The following CADPS variants were observed in gnomAD, a reference collection of about 807,000 sequenced individuals.
CADPS encodes the protein calcium dependent secretion activator, also known as calcium-dependent secretion activator 1.
CADPS carries 57 observed loss-of-function variants against 167.3 expected under a neutral mutation model. The ratio of observed to expected loss-of-function variants is 0.34; its 90% CI spans 0.28 to 0.42. The LOEUF is 0.42. Among genes scored for constraint, CADPS ranks in the 20% least tolerant of loss-of-function variants. The probability of loss-of-function intolerance (pLI) is 1.00; values close to 1 mark genes in which losing one functional copy is unlikely to be tolerated. For synonymous variants in CADPS, 676 were observed against 635.3 expected (o/e 1.06, Z -0.96); for missense variants, 1,414 against 1,738.1 (o/e 0.81, Z 3.32).
chr3:62,760,792 TA>T (rs1329500703), intron 2 of CADPS, among the ~76,000 whole-genome samples: 1 of 152,138 alleles, frequency 6.6e-6, no homozygotes, highest in Non-Finnish European at 1.5e-5. Context: ...TCCTCTTAAA[TA>T]AAAAAAGTTC....
intron 3 of CADPS, among the ~76,000 whole-genome samples, chr3:62,711,977 A>T (rs569048273): frequency 1.3e-5 from 2 of 152,204 alleles, no homozygotes; most frequent in Non-Finnish European, 2.9e-5. Flanking sequence ...TCATACTGCC[A>T]ATTTTCTGCA....
At chr3:62,821,809 AAC>A (rs1436531991) in intron 1 of CADPS, among the ~76,000 whole-genome samples, 2 of 152,196 alleles carry the variant, frequency 1.3e-5, no homozygotes, top group African/African-American at 2.4e-5. Flanking sequence ...TTCAACCCAT[AAC>A]AGTCTCCCAA....
In CADPS at chr3:62,571,083, G is replaced by A. The variant is rs1333331874; in HGVS notation, c.1578-145C>T. On this transcript the variant is annotated intron_variant, in intron 8 of 29. Coordinates refer to ENST00000383710, the MANE Select transcript of CADPS (RefSeq NM_003716.4). ...GCGCAGATTTTGGAGCTCTGTGGTT[G>A]AGCATAAACAACAGCAAGCACTTTT... The A allele has an allele frequency of 4.6e-6, 3 of 655,094 alleles. No homozygotes were observed. In the African/African-American group the frequency reaches 5.5e-5, roughly 12 times the overall value. 40.6% of individuals were successfully genotyped at this position (655,094 alleles called of 1,614,324 possible). A position where few individuals can be genotyped will look rare whatever the true frequency, so the allele number is the denominator to read the frequency against.
intron 8 of CADPS, among the ~76,000 whole-genome samples, chr3:62,583,017 C>T (rs975153548): frequency 3.9e-4 from 59 of 152,254 alleles, no homozygotes; most frequent in African/African-American, 1.4e-3. Context: ...TAGTACAGTG[C>T]TTCAGAGAGA....
intron 7 of CADPS, among the ~76,000 whole-genome samples, chr3:62,590,044 C>T (rs1475887113): frequency 6.6e-6 from 1 of 152,036 alleles, no homozygotes; most frequent in African/African-American, 2.4e-5. Flanking sequence ...CAAAAATTAG[C>T]CAGATGTGGT....
chr3:62,452,848 T>A (rs2058243419), intron 26 of CADPS, among the ~76,000 whole-genome samples: 1 of 152,144 alleles, frequency 6.6e-6, no homozygotes, highest in Non-Finnish European at 1.5e-5. Flanking sequence ...GTGCAGTGGT[T>A]CATGCTTATA....
chr3:62,587,356 C>G (rs1027593836), intron 7 of CADPS, among the ~76,000 whole-genome samples: 2 of 152,180 alleles, frequency 1.3e-5, no homozygotes, highest in African/African-American at 2.4e-5. Context: ...GAGACCTCTC[C>G]CTTTTCTCCA....
intron 3 of CADPS, among the ~76,000 whole-genome samples, chr3:62,668,857 T>G (rs2074985367): frequency 6.6e-6 from 1 of 152,096 alleles, no homozygotes; most frequent in Non-Finnish European, 1.5e-5. Flanking sequence ...ACTGAGTTAA[T>G]CAGCTGTGAC....
intron 17 of CADPS, among the ~76,000 whole-genome samples, chr3:62,512,190 A>G (rs764344295): frequency 1.8e-4 from 28 of 152,248 alleles, no homozygotes; most frequent in Non-Finnish European, 3.5e-4. Flanking sequence ...TTTGGGACCA[A>G]ACAAGAAGAA....
intron 6 of CADPS, among the ~76,000 whole-genome samples, chr3:62,626,983 G>C (rs536616571): frequency 6.6e-6 from 1 of 152,214 alleles, no homozygotes; most frequent in South Asian, 2.1e-4. Flanking sequence ...CTTACAAGTA[G>C]ATATATGTCC....
At chr3:62,650,419 A>G (rs2069795413) in intron 5 of CADPS, among the ~76,000 whole-genome samples, 2 of 152,198 alleles carry the variant, frequency 1.3e-5, no homozygotes. Context: ...GAGATAAACT[A>G]AAAAAGCCTC....
At chr3:62,540,815 A>G (rs2075566246) in intron 11 of CADPS, among the ~76,000 whole-genome samples, 1 of 152,168 alleles carries the variant, frequency 6.6e-6, no homozygotes, top group African/African-American at 2.4e-5. Flanking sequence ...AAACATAAAA[A>G]AATAAATGCT....
At position 62,546,836 on chromosome 3, in the gene CADPS, T is replaced by A. The variant is rs563719188; in HGVS notation, c.1966+3067A>T. 2.0e-5 allele frequency among the ~76,000 whole-genome samples: 3 copies of A among 152,280 alleles called. No homozygotes were observed. The South Asian group carries it at 6.2e-4, about 32-fold the overall frequency. On this transcript the variant is annotated intron_variant, in intron 11 of 29. Coordinates refer to ENST00000383710, the MANE Select transcript of CADPS (RefSeq NM_003716.4). ...TACCATGCCATTTTATAAAGGGGAT[T>A]TGAAAATTCATGGATTTTGGTATCT...
intron 8 of CADPS, among the ~76,000 whole-genome samples, chr3:62,577,250 T>C (rs1203803417): frequency 6.6e-6 from 1 of 152,196 alleles, no homozygotes; most frequent in East Asian, 1.9e-4. Flanking sequence ...TATTTGTGAA[T>C]TTAACGTGAA....
Position 62,446,479 on chromosome 3 carries a change from C to T in CADPS, c.3637-682G>A, listed in dbSNP as rs1316473372. Among the ~76,000 whole-genome samples, 6 of 152,110 alleles carry T rather than the reference C, an allele frequency of 3.9e-5. No individual in the cohort carries two copies. The highest frequency in any genetic ancestry group is 2.1e-4 in the South Asian group (1 of 4,830). ...TGAAGTTTGGAGTCAGATCTCAGTT[C>T]GAATCCCAACTCTACCACTTACAAG... On this transcript the variant is annotated intron_variant, in intron 26 of 29. Transcript: ENST00000383710. The surrounding 1 kb of genome is among the most constrained non-coding windows in gnomAD (Gnocchi z 4.9).
At chr3:62,404,933 GT>G in intron 28 of CADPS, 1 of 152,092 alleles carries the variant, frequency 6.6e-6, no homozygotes. Context: ...GTTGGGGGGT[GT>G]TTTTGGCACC....
chr3:62,550,029 G>A lies in CADPS; in HGVS notation c.1840C>T (p.Leu614=). 6.2e-7 allele frequency: 1 copy of A among 1,614,112 alleles called. No homozygotes were observed. Among genetic ancestry groups the A allele is most frequent in the South Asian group, 1.1e-5 (1 of 91,086 alleles). The change falls in exon 11 of 30, where the codon CTG becomes TTG. Residue 614 remains leucine, a synonymous_variant. Coordinates refer to ENST00000383710, the MANE Select transcript of CADPS (RefSeq NM_003716.4). ...GCCCGATACATGGCCTGGACCCACA[G>A]GATGCGGTCTTGTTCATCGTCACTG... The part of the protein sequence containing the change: ...FASDDEQDRI[L]WVQAMYRATG...
intron 9 of CADPS, among the ~76,000 whole-genome samples, chr3:62,561,132 T>C (rs1272081217): frequency 3.6e-5 from 5 of 140,190 alleles, no homozygotes; most frequent in Non-Finnish European, 6.2e-5. Context: ...TATTATTAGA[T>C]AGTGTGTGGG....
chr3:62,754,199 T>G (rs141345911), intron 2 of CADPS, among the ~76,000 whole-genome samples: 2,917 of 152,214 alleles, frequency 0.019, 49 homozygotes, highest in South Asian at 0.059. Flanking sequence ...CTTTTTGAGA[T>G]AGTCTTGCTC....
Sources: gnomAD v4.1 joint callset for allele counts (sites outside exome capture counted in the v4.1 genomes callset) on GRCh38, gnomAD v4.1.1 for gene constraint, Gnocchi (gnomAD v3.1) non-coding constraint, MANE v1.5 for transcripts, NCBI Gene and HGNC (gene_info 2026-07-23, HGNC 2026-07-21) for gene names.